Variants in MYO5B observed in about 807,000 individuals in gnomAD.
MYO5B encodes the protein unconventional myosin-Vb.
MYO5B carries 143 observed loss-of-function variants against 229.3 expected under a neutral mutation model. The observed-to-expected ratio is 0.62, with a 90% confidence interval of 0.54 to 0.72. MYO5B has a LOEUF of 0.72. MYO5B is among the 30% of genes least tolerant of loss of function. The pLI is 0.00. For synonymous variants in MYO5B, 918 were observed against 885.2 expected (o/e 1.04, Z -0.66); for missense variants, 2,321 against 2,331.0 (o/e 1.00, Z 0.09).
At chr18:50,016,571 G>T (rs1307806424) in intron 4 of MYO5B, among the ~76,000 whole-genome samples, 1 of 152,110 alleles carries the variant, frequency 6.6e-6, no homozygotes, top group Non-Finnish European at 1.5e-5. Context: ...AGGCTAAAAT[G>T]ATACCATCTA....
At chr18:50,064,233 C>T (rs1489994683) in intron 1 of MYO5B, 1 of 153,174 alleles carries the variant, frequency 6.5e-6, no homozygotes, top group East Asian at 1.9e-4. Flanking sequence ...TGTGAATGAC[C>T]TAATGGCCTA....
At chr18:50,076,653 T>A (rs149575685) in intron 1 of MYO5B, among the ~76,000 whole-genome samples, 208 of 152,272 alleles carry the variant, frequency 1.4e-3, no homozygotes, top group African/African-American at 4.7e-3. Flanking sequence ...AAGGTGGTCA[T>A]GTGATTCCTC....
chr18:49,851,221 C>T (rs898017969), intron 31 of MYO5B, among the ~76,000 whole-genome samples: 1 of 152,128 alleles, frequency 6.6e-6, no homozygotes, highest in Non-Finnish European at 1.5e-5. Context: ...GTCATCTTCT[C>T]AGGAAAGCCC....
chr18:49,975,032 A>G (rs996984543), intron 9 of MYO5B, among the ~76,000 whole-genome samples: 3 of 152,234 alleles, frequency 2.0e-5, no homozygotes, highest in African/African-American at 7.2e-5. Context: ...AGAGCTTATG[A>G]CCATGCAATC....
At position 50,037,164 on chromosome 18, in the gene MYO5B, A is replaced by G. The variant is rs9955800; in HGVS notation, c.311-170T>C. Among the ~76,000 whole-genome samples the G allele has an allele frequency of 0.98, 148,456 of 151,820 alleles. 72,678 individuals are homozygous for G. The highest frequency in any genetic ancestry group is 1 in the East Asian group (5,154 of 5,154). On this transcript the variant is annotated intron_variant, in intron 3 of 39. Transcript: ENST00000285039. ...ATCAAGGCTCATCTGTGTGCTTCAG[A>G]TCTCCAAATACCCTACAGCCTGGAA...
chr18:50,102,597 G>T (rs916787136), intron 1 of MYO5B, among the ~76,000 whole-genome samples: 1 of 152,038 alleles, frequency 6.6e-6, no homozygotes, highest in South Asian at 2.1e-4. Flanking sequence ...CAGGGTGAAG[G>T]CTGCTCCAAC....
At chr18:49,999,433 C>T (rs1290131083) in intron 5 of MYO5B, among the ~76,000 whole-genome samples, 1 of 152,202 alleles carries the variant, frequency 6.6e-6, no homozygotes, top group African/African-American at 2.4e-5. Flanking sequence ...AGACTAAATG[C>T]TGGAGTAAAT....
chr18:50,068,178 T>C (rs1269452394), intron 1 of MYO5B, among the ~76,000 whole-genome samples: 1 of 152,178 alleles, frequency 6.6e-6, no homozygotes, highest in Non-Finnish European at 1.5e-5. Context: ...CCTTACATAC[T>C]AGGTAGCCAA....
rs1243453685 is a variant in MYO5B, at chr18:49,837,618, C to A, written c.5037G>T (p.Leu1679=). The change falls in exon 37 of 40, where the codon CTG becomes CTT. Residue 1679 remains leucine (L), a synonymous_variant. Transcript: ENST00000285039. ...TGTAGAAGAGCTGTTTGAATACCTG[C>A]AGGATGATCTCAGGGTCCAAGCCCT... ...CDQGLDPEII[L]QVFKQLFYMI... is the part of the protein sequence containing the mutation. 1 of 1,613,970 alleles carries A rather than the reference C, an allele frequency of 6.2e-7. No individual in the cohort carries two copies. Among genetic ancestry groups the A allele is most frequent in the South Asian group, 1.1e-5 (1 of 91,072 alleles).
intron 1 of MYO5B, among the ~76,000 whole-genome samples, chr18:50,183,317 A>ATATATATATATATATATG: frequency 2.0e-5 from 1 of 49,404 alleles, no homozygotes; most frequent in South Asian, 5.2e-4. Flanking sequence ...ATATATATAT[A>ATATATATATATATATATG]TATATATATA....
intron 1 of MYO5B, among the ~76,000 whole-genome samples, chr18:50,131,303 T>C (rs1705519): frequency 0.46 from 70,677 of 152,036 alleles, 16,633 homozygotes; most frequent in Admixed American, 0.59. Flanking sequence ...TTGCCAGACT[T>C]TGGCTACCAG....
At chr18:49,839,037 G>T (rs926982436) in intron 36 of MYO5B, 107 bp downstream of exon 36, 5 of 1,409,802 alleles carry the variant, frequency 3.5e-6, no homozygotes, top group Non-Finnish European at 5.0e-6. Flanking sequence ...CTTTCTGGAG[G>T]TCATGGCTAA....
chr18:49,908,615 C>T (rs545341113), intron 18 of MYO5B, among the ~76,000 whole-genome samples: 4 of 152,324 alleles, frequency 2.6e-5, no homozygotes, highest in South Asian at 2.1e-4. Context: ...CCTTGTGCTC[C>T]GTTGGCTCCC....
At chr18:50,137,707 A>G (rs2032356292) in intron 1 of MYO5B, among the ~76,000 whole-genome samples, 1 of 152,204 alleles carries the variant, frequency 6.6e-6, no homozygotes, top group Admixed American at 6.5e-5. Context: ...TACTATTCAC[A>G]ATAGCAAAGA....
chr18:50,128,172 T>C (rs78000200), intron 1 of MYO5B, among the ~76,000 whole-genome samples: 6,611 of 152,294 alleles, frequency 0.043, 170 homozygotes, highest in Non-Finnish European at 0.06. Flanking sequence ...TATCTTTCTC[T>C]AGAGAATCCT....
chr18:50,009,688 T>C (rs1221751286), intron 4 of MYO5B, among the ~76,000 whole-genome samples: 1 of 152,224 alleles, frequency 6.6e-6, no homozygotes, highest in Non-Finnish European at 1.5e-5. Flanking sequence ...AACAGAGCCA[T>C]ATAATTACAA....
intron 1 of MYO5B, among the ~76,000 whole-genome samples, chr18:50,129,306 G>A (rs1325316108): frequency 6.6e-6 from 1 of 152,222 alleles, no homozygotes; most frequent in Non-Finnish European, 1.5e-5. Flanking sequence ...CACAAACCCA[G>A]GGCATCCCTT....
intron 4 of MYO5B, among the ~76,000 whole-genome samples, chr18:50,020,145 T>A (rs919137593): frequency 1.3e-5 from 2 of 152,202 alleles, no homozygotes; most frequent in Admixed American, 1.3e-4. Context: ...CACCTTTGCA[T>A]TGACTATGCA....
In MYO5B at chr18:49,864,382, T is replaced by G; in HGVS notation, c.3604-2A>C. ...GTTCTCTGACTCCAGCTCTTGCCTC[T>G]GGAAGACAGCCCAAGGGCCGCTGCC... On this transcript the variant is annotated splice_acceptor_variant, in intron 27 of 39. Transcript: ENST00000285039. LOFTEE classifies it high-confidence loss of function. 6.2e-7 allele frequency: 1 copy of G among 1,613,018 alleles called. No individual in the cohort carries two copies. The highest frequency in any genetic ancestry group is 8.5e-7 in the Non-Finnish European group (1 of 1,180,040).
Sources: allele counts gnomAD v4.1 joint callset (sites outside exome capture counted in the v4.1 genomes callset), GRCh38; gene constraint gnomAD v4.1.1; transcripts MANE v1.5; gene names NCBI Gene and HGNC (gene_info 2026-07-23, HGNC 2026-07-21).